KCNJ6: variants seen among roughly 807,000 people sequenced by gnomAD.
KCNJ6 encodes the protein potassium inwardly rectifying channel subfamily J member 6.
KCNJ6 carries 9 observed loss-of-function variants against 34.2 expected under a neutral mutation model. The observed-to-expected ratio is 0.26, with a 90% CI of 0.16 to 0.46. KCNJ6 has a LOEUF of 0.46. Among genes scored for constraint, KCNJ6 ranks in the 20% least tolerant of loss-of-function variants. The probability of loss-of-function intolerance (pLI) is 1.00; values close to 1 mark genes in which losing one functional copy is unlikely to be tolerated. For synonymous variants in KCNJ6, 196 were observed against 207.1 expected, an observed-to-expected ratio of 0.95 and a Z score of 0.46; for missense variants, 236 against 531.3, an observed-to-expected ratio of 0.44 and a Z score of 5.46.
chr21:37,638,094 C>T (rs1245392471), intron 3 of KCNJ6, among the ~76,000 whole-genome samples: 2 of 152,194 alleles, frequency 1.3e-5, no homozygotes, highest in Non-Finnish European at 2.9e-5. Context: ...CTGTCAACCA[C>T]AACACTATTA....
At position 37,614,324 on chromosome 21, in the gene KCNJ6, T is replaced by C. The variant is rs980671857; in HGVS notation, c.*10835A>G. ...GCTTTGATTTCTGGAAATTTACTTT[T>C]GTGGTGTCACTCATAACTGATTGGA... On this transcript the variant is annotated 3_prime_UTR_variant, in exon 4 of 4. Transcript: ENST00000609713. The C allele has an allele frequency of 8.5e-5, 13 of 152,126 alleles. No homozygotes were observed. The highest frequency in any genetic ancestry group is 3.1e-4 in the African/African-American group (13 of 41,408). 9.4% of individuals were successfully genotyped at this position (152,126 alleles called of 1,614,324 possible). A position where few individuals can be genotyped will look rare whatever the true frequency, so the allele number is the denominator to read the frequency against.
chr21:37,793,810 C>A (rs2055228683), intron 2 of KCNJ6, among the ~76,000 whole-genome samples: 1 of 152,332 alleles, frequency 6.6e-6, no homozygotes. Flanking sequence ...GGACACACAG[C>A]TTCTGCAAGG....
chr21:37,751,242 C>G (rs1031651498), intron 2 of KCNJ6, among the ~76,000 whole-genome samples: 39 of 152,216 alleles, frequency 2.6e-4, no homozygotes, highest in African/African-American at 9.2e-4. Flanking sequence ...GCTAATTTTC[C>G]AATCTCTCAC....
chr21:37,846,194 T>C (rs982300848), intron 1 of KCNJ6, among the ~76,000 whole-genome samples: 23 of 152,040 alleles, frequency 1.5e-4, no homozygotes, highest in Admixed American at 1.5e-3. Context: ...GTGTGTGTAA[T>C]TTATACTCCC....
chr21:37,813,007 G>A (rs944844943), intron 2 of KCNJ6, among the ~76,000 whole-genome samples: 1 of 152,054 alleles, frequency 6.6e-6, no homozygotes, highest in Non-Finnish European at 1.5e-5. Context: ...GTATTACATT[G>A]GGAAAAATCT....
intron 1 of KCNJ6, among the ~76,000 whole-genome samples, chr21:37,864,055 C>T (rs1055533063): frequency 1.8e-4 from 28 of 151,718 alleles, no homozygotes; most frequent in African/African-American, 6.3e-4. Context: ...TCTACGTCAT[C>T]CAACAGCTGA....
rs1428239009 is a variant in KCNJ6 at position 37,691,060 on chromosome 21, C to T, written c.946+23151G>A. ...CCTCCTAAAGTGCTGGGATTACAGG[C>T]ATGAGCCACCGTACCTGGCCCAGGT... On this transcript the variant is annotated intron_variant, in intron 3 of 3. Transcript: ENST00000609713. 2.0e-5 allele frequency among the ~76,000 whole-genome samples: 3 copies of T among 152,226 alleles called. No homozygotes were observed. The East Asian group carries it at 5.8e-4, about 29-fold the overall frequency.
intron 2 of KCNJ6, among the ~76,000 whole-genome samples, chr21:37,819,046 T>A (rs966269613): frequency 6.6e-6 from 1 of 152,232 alleles, no homozygotes; most frequent in African/African-American, 2.4e-5. Context: ...TGTATCATTA[T>A]AATTGTCTGG....
chr21:37,728,648 C>T (rs2054867859), intron 2 of KCNJ6, among the ~76,000 whole-genome samples: 1 of 151,896 alleles, frequency 6.6e-6, no homozygotes, highest in South Asian at 2.1e-4. Flanking sequence ...GATTTATAAC[C>T]AGTTACTAGT....
chr21:37,827,523 G>C (rs2055404877), intron 2 of KCNJ6, among the ~76,000 whole-genome samples: 1 of 140,072 alleles, frequency 7.1e-6, no homozygotes, highest in African/African-American at 3.1e-5. Context: ...CATAACCCTT[G>C]GGTTTTTTTT....
chr21:37,771,577 G>A (rs2055117778), intron 2 of KCNJ6, among the ~76,000 whole-genome samples: 1 of 152,182 alleles, frequency 6.6e-6, no homozygotes, highest in Non-Finnish European at 1.5e-5. Context: ...GTGTGTGGGT[G>A]AGGTATCTGC....
chr21:37,692,164 T>C (rs2054642861), intron 3 of KCNJ6, among the ~76,000 whole-genome samples: 1 of 152,202 alleles, frequency 6.6e-6, no homozygotes. Context: ...TATACCTATG[T>C]AACAAAGCTG....
intron 3 of KCNJ6, among the ~76,000 whole-genome samples, chr21:37,651,560 G>A (rs1046093202): frequency 6.6e-6 from 1 of 152,126 alleles, no homozygotes; most frequent in Non-Finnish European, 1.5e-5. Flanking sequence ...GGGAGTGGAA[G>A]GATTCAAGAC....
rs1260946194 is a variant in KCNJ6 at position 37,807,303 on chromosome 21, TGAACA to T, written c.25+33350_25+33354del. 5.3e-5 allele frequency among the ~76,000 whole-genome samples: 8 copies of T among 152,298 alleles called. No individual in the cohort carries two copies. In the East Asian group the frequency reaches 1.5e-3, roughly 29 times the overall value. ...CATTTTTCCATGGTTTTGAGAAATA[TGAACA>T]GAAAAGTACAAGCTATAATTAAATC... On this transcript the variant is annotated intron_variant, in intron 2 of 3. Coordinates refer to ENST00000609713, the MANE Select transcript of KCNJ6 (RefSeq NM_002240.5).
chr21:37,901,980 C>T (rs1159951017), intron 1 of KCNJ6, among the ~76,000 whole-genome samples: 3 of 152,096 alleles, frequency 2.0e-5, no homozygotes, highest in Non-Finnish European at 4.4e-5. Flanking sequence ...GCTAGAAAAC[C>T]TGATATAGAG....
intron 2 of KCNJ6, among the ~76,000 whole-genome samples, chr21:37,835,389 T>C (rs2055446801): frequency 6.6e-6 from 1 of 152,130 alleles, no homozygotes; most frequent in Admixed American, 6.5e-5. Context: ...AGACCAGATA[T>C]CTGATTACAA....
At chr21:37,849,658 A>G (rs1162043804) in intron 1 of KCNJ6, among the ~76,000 whole-genome samples, 4 of 152,054 alleles carry the variant, frequency 2.6e-5, no homozygotes, top group Non-Finnish European at 5.9e-5. Context: ...CTCCTGCCCG[A>G]CAAGCCCCTT....
At position 37,612,297 on chromosome 21, in the gene KCNJ6, C is replaced by T. The variant is rs1264757275; in HGVS notation, c.*12862G>A. ...GAAATGAAGTACTTAAGGTATAAAT[C>T]TAACAATATGTATAAGATCTACATG... On this transcript the variant is annotated 3_prime_UTR_variant, in exon 4 of 4. Coordinates refer to ENST00000609713, the MANE Select transcript of KCNJ6 (RefSeq NM_002240.5). 6.6e-6 allele frequency: 1 copy of T among 152,006 alleles called. No homozygotes were observed. The highest frequency in any genetic ancestry group is 2.4e-5 in the African/African-American group (1 of 41,354). The allele number at this position is 152,006 out of a possible 1,614,324, so 9.4% of individuals were successfully genotyped here. A position where few individuals can be genotyped will look rare whatever the true frequency, so the allele number is the denominator to read the frequency against.
At chr21:37,645,017 G>GTTTTTT (rs71198881) in intron 3 of KCNJ6, among the ~76,000 whole-genome samples, 2 of 130,818 alleles carry the variant, frequency 1.5e-5, no homozygotes, top group Non-Finnish European at 1.6e-5. Context: ...AAACAGGTGG[G>GTTTTTT]TTTTTTTTTT....
Sources: allele counts gnomAD v4.1 joint callset (sites outside exome capture counted in the v4.1 genomes callset), GRCh38; gene constraint gnomAD v4.1.1; transcripts MANE v1.5; gene names NCBI Gene and HGNC (gene_info 2026-07-23, HGNC 2026-07-21).